The following PPP2R5E variants were observed in gnomAD, a reference collection of about 807,000 sequenced individuals.
PPP2R5E encodes the protein protein phosphatase 2 regulatory subunit B'epsilon, also known as serine/threonine-protein phosphatase 2A 56 kDa regulatory subunit epsilon isoform.
In PPP2R5E, 4 loss-of-function variants were observed where a neutral mutation model predicts 65.3. The ratio of observed to expected loss-of-function variants is 0.06; its 90% CI spans 0.03 to 0.14. The LOEUF is 0.14. PPP2R5E is among the 10% of genes least tolerant of loss of function. The probability of loss-of-function intolerance (pLI) is 1.00; values close to 1 mark genes in which losing one functional copy is unlikely to be tolerated. For synonymous variants in PPP2R5E, 183 were observed against 187.4 expected, an observed-to-expected ratio of 0.98 and a Z score of 0.19; for missense variants, 274 against 556.1, an observed-to-expected ratio of 0.49 and a Z score of 5.10.
At chr14:63,517,246 A>G (rs1383415678) in intron 2 of PPP2R5E, among the ~76,000 whole-genome samples, 1 of 152,238 alleles carries the variant, frequency 6.6e-6, no homozygotes. Flanking sequence ...CTCCTAGTCA[A>G]GTAATGTAGG....
At chr14:63,517,232 T>C (rs1892705160) in intron 2 of PPP2R5E, among the ~76,000 whole-genome samples, 2 of 152,106 alleles carry the variant, frequency 1.3e-5, no homozygotes, top group Admixed American at 1.3e-4. Context: ...AAAAATAGGA[T>C]ATCCTCCTAG....
At chr14:63,471,551 C>T (rs1450816514) in intron 2 of PPP2R5E, among the ~76,000 whole-genome samples, 3 of 152,156 alleles carry the variant, frequency 2.0e-5, no homozygotes, top group African/African-American at 7.2e-5. Context: ...TAAGCACTTA[C>T]TCTGTGGCAG....
chr14:63,403,460 A>C (rs888726584), intron 5 of PPP2R5E, among the ~76,000 whole-genome samples: 2 of 151,814 alleles, frequency 1.3e-5, no homozygotes, highest in Non-Finnish European at 2.9e-5. Flanking sequence ...GAACACTTAC[A>C]TCCCATTCAT....
chr14:63,535,320 C>A (rs976809697), intron 2 of PPP2R5E, among the ~76,000 whole-genome samples: 1 of 151,890 alleles, frequency 6.6e-6, no homozygotes, highest in East Asian at 1.9e-4. Flanking sequence ...TACTCAGGAG[C>A]CTGAGGCAAG....
At chr14:63,477,714 C>A (rs1345776531) in intron 2 of PPP2R5E, among the ~76,000 whole-genome samples, 1 of 152,016 alleles carries the variant, frequency 6.6e-6, no homozygotes, top group African/African-American at 2.4e-5. Flanking sequence ...GGTTAAGGTT[C>A]TCTTATCTAT....
At chr14:63,535,621 C>T (rs901871736) in intron 2 of PPP2R5E, among the ~76,000 whole-genome samples, 2 of 127,706 alleles carry the variant, frequency 1.6e-5, no homozygotes, top group African/African-American at 4.1e-5. Context: ...TCAAAAATGA[C>T]ATATTAAAAG....
rs181891791 is a variant in PPP2R5E at position 63,435,454 on chromosome 14, C to T, written c.355-13360G>A. On this transcript the variant is annotated intron_variant, in intron 3 of 13. Coordinates refer to ENST00000337537, the MANE Select transcript of PPP2R5E (RefSeq NM_006246.5). ...CAATCATCTGACAAACCTAAGACAA[C>T]AGCCCTCTGCCACAGGCCATCCTGG... Among the ~76,000 whole-genome samples the T allele has an allele frequency of 2.7e-3, 418 of 152,246 alleles. 2 individuals are homozygous for T. Among genetic ancestry groups the T allele is most frequent in the African/African-American group, 9.6e-3 (398 of 41,534 alleles).
At chr14:63,522,628 C>A (rs1289692404) in intron 2 of PPP2R5E, among the ~76,000 whole-genome samples, 1 of 147,170 alleles carries the variant, frequency 6.8e-6, no homozygotes, top group Non-Finnish European at 1.5e-5. Context: ...CGCCTCTACC[C>A]GTCCGCGACC....
chr14:63,512,799 C>T (rs10135999), intron 2 of PPP2R5E, among the ~76,000 whole-genome samples: 20,499 of 152,140 alleles, frequency 0.13, 1,503 homozygotes, highest in African/African-American at 0.17. Context: ...CAAGCTACCT[C>T]TATAAATTAA....
intron 2 of PPP2R5E, among the ~76,000 whole-genome samples, chr14:63,466,028 G>T (rs1205742042): frequency 6.6e-6 from 1 of 152,058 alleles, no homozygotes; most frequent in African/African-American, 2.4e-5. Flanking sequence ...CAAAAAAACG[G>T]CAATAAAAGG....
intron 2 of PPP2R5E, among the ~76,000 whole-genome samples, chr14:63,535,681 GAAATT>G (rs1322768857): frequency 1.3e-5 from 2 of 152,036 alleles, no homozygotes; most frequent in Non-Finnish European, 2.9e-5. Flanking sequence ...AAACTCCCCT[GAAATT>G]AAAGACCTTA....
At chr14:63,409,696 G>GT (rs1256038709) in intron 5 of PPP2R5E, among the ~76,000 whole-genome samples, 1 of 152,184 alleles carries the variant, frequency 6.6e-6, no homozygotes, top group African/African-American at 2.4e-5. Flanking sequence ...TCAGTCACCT[G>GT]TTTAAGATTG....
At chr14:63,384,638 C>A in intron 11 of PPP2R5E, 67 bp from the exon 12 acceptor site, 1 of 1,373,544 alleles carries the variant, frequency 7.3e-7, no homozygotes, top group Non-Finnish European at 1.0e-6. Context: ...AATTATAAAT[C>A]TTTCCAAACA....
chr14:63,468,180 T>C (rs999804755), intron 2 of PPP2R5E, among the ~76,000 whole-genome samples: 6 of 152,240 alleles, frequency 3.9e-5, no homozygotes, highest in African/African-American at 1.4e-4. Flanking sequence ...GTCACAGTGA[T>C]AGCACGAGCG....
At chr14:63,472,333 T>G (rs1205193010) in intron 2 of PPP2R5E, among the ~76,000 whole-genome samples, 1 of 152,068 alleles carries the variant, frequency 6.6e-6, no homozygotes, top group African/African-American at 2.4e-5. Flanking sequence ...CCCTTTACAT[T>G]AGTGTTAAGT....
At chr14:63,486,549 T>C (rs975867522) in intron 2 of PPP2R5E, among the ~76,000 whole-genome samples, 1 of 151,930 alleles carries the variant, frequency 6.6e-6, no homozygotes, top group African/African-American at 2.4e-5. Flanking sequence ...CAAAATCCCA[T>C]CACAAGTGTT....
chr14:63,467,452 G>A (rs947250289), intron 2 of PPP2R5E, among the ~76,000 whole-genome samples: 5 of 151,812 alleles, frequency 3.3e-5, no homozygotes, highest in African/African-American at 7.3e-5. Context: ...CATGCCATGG[G>A]GTAGTACAAA....
chr14:63,460,981 A>T (rs1889426890), intron 2 of PPP2R5E, among the ~76,000 whole-genome samples: 2 of 152,240 alleles, frequency 1.3e-5, no homozygotes, highest in African/African-American at 4.8e-5. Context: ...GTTATCCCTC[A>T]TGCTTTATCT....
At chr14:63,451,028 C>T (rs1278128393) in intron 3 of PPP2R5E, among the ~76,000 whole-genome samples, 1 of 152,130 alleles carries the variant, frequency 6.6e-6, no homozygotes, top group African/African-American at 2.4e-5. Context: ...TGTGGAGCAG[C>T]AGAAATTCTC....
Sources: allele counts gnomAD v4.1 joint callset (sites outside exome capture counted in the v4.1 genomes callset), GRCh38; gene constraint gnomAD v4.1.1; transcripts MANE v1.5; gene names NCBI Gene and HGNC (gene_info 2026-07-23, HGNC 2026-07-21).